The following DCC variants were observed in gnomAD, a reference collection of about 807,000 sequenced individuals.
DCC encodes the protein netrin receptor DCC.
A neutral mutation model predicts 172.5 loss-of-function variants in DCC; 58 were observed. The observed-to-expected ratio is 0.34, with a 90% CI of 0.27 to 0.42. The LOEUF (loss-of-function observed/expected upper bound fraction) is 0.42, where lower values mean the gene tolerates loss of function less well. Ranked by LOEUF, DCC falls within the 10% of genes least tolerant of loss-of-function variation. The pLI is 1.00. For synonymous variants in DCC, 709 were observed against 644.5 expected (o/e 1.10, Z -1.52); for missense variants, 1,740 against 1,791.0 (o/e 0.97, Z 0.51).
chr18:53,098,370 A>T (rs551161374), intron 7 of DCC, among the ~76,000 whole-genome samples: 3 of 152,116 alleles, frequency 2.0e-5, no homozygotes, highest in Non-Finnish European at 4.4e-5. Context: ...AAGATCCAGG[A>T]TCATTCATTG....
chr18:53,436,769 A>T (rs1428350082), intron 22 of DCC, among the ~76,000 whole-genome samples: 1 of 152,208 alleles, frequency 6.6e-6, no homozygotes, highest in Admixed American at 6.5e-5. Context: ...TGCTATTAAA[A>T]AATACCCCAG....
intron 2 of DCC, among the ~76,000 whole-genome samples, chr18:52,810,433 C>T (rs2038174118): frequency 6.6e-6 from 1 of 152,214 alleles, no homozygotes; most frequent in Non-Finnish European, 1.5e-5. Context: ...CTGGCAGTTC[C>T]TGAGCTATTG....
intron 1 of DCC, among the ~76,000 whole-genome samples, chr18:52,603,437 G>A (rs899478961): frequency 2.0e-5 from 3 of 152,002 alleles, no homozygotes; most frequent in African/African-American, 7.2e-5. Context: ...TAAAGAAAAG[G>A]AGAATAGGAA....
intron 1 of DCC, among the ~76,000 whole-genome samples, chr18:52,542,893 G>C (rs1366830575): frequency 6.6e-6 from 1 of 152,154 alleles, no homozygotes; most frequent in Non-Finnish European, 1.5e-5. Flanking sequence ...AGGATGAGTT[G>C]AAGATGTTGT....
At chr18:52,467,933 A>G (rs1330062345) in intron 1 of DCC, among the ~76,000 whole-genome samples, 3 of 152,160 alleles carry the variant, frequency 2.0e-5, no homozygotes, top group Non-Finnish European at 2.9e-5. Flanking sequence ...AGTTCCTTGT[A>G]GATTCTGGAT....
chr18:52,976,831 C>G (rs2041126574), intron 5 of DCC, among the ~76,000 whole-genome samples: 1 of 152,174 alleles, frequency 6.6e-6, no homozygotes, highest in Non-Finnish European at 1.5e-5. Context: ...TATGCAAACA[C>G]AGAGAGCTTA....
At chr18:53,209,385 A>G (rs1203081729) in intron 11 of DCC, among the ~76,000 whole-genome samples, 2 of 152,208 alleles carry the variant, frequency 1.3e-5, no homozygotes, top group African/African-American at 2.4e-5. Flanking sequence ...AAAGGCCACA[A>G]GCTAGCTCTT....
At chr18:52,594,978 T>A (rs1308255655) in intron 1 of DCC, among the ~76,000 whole-genome samples, 1 of 152,192 alleles carries the variant, frequency 6.6e-6, no homozygotes, top group African/African-American at 2.4e-5. Context: ...ATGGAGGTCT[T>A]CTATTTGTTT....
At position 53,025,177 on chromosome 18, in the gene DCC, C is replaced by T. The variant is rs187061524; in HGVS notation, c.986-38128C>T. Among the ~76,000 whole-genome samples, 295 of 152,058 alleles carry T rather than the reference C, an allele frequency of 1.9e-3. 1 individual carries two copies. Among genetic ancestry groups the T allele is most frequent in the Non-Finnish European group, 3.2e-3 (215 of 68,002 alleles). On this transcript the variant is annotated intron_variant, in intron 5 of 28. Coordinates refer to ENST00000442544, the MANE Select transcript of DCC (RefSeq NM_005215.4). ...CAAATGATGTATGAGGATTTACTGACGAGTCACTGGAAGTAGATGAGAATT... is the reference window on the plus strand; with the variant it reads ...CAAATGATGTATGAGGATTTACTGATGAGTCACTGGAAGTAGATGAGAATT...
intron 1 of DCC, among the ~76,000 whole-genome samples, chr18:52,615,579 C>A (rs962645625): frequency 6.6e-6 from 1 of 152,168 alleles, no homozygotes; most frequent in Non-Finnish European, 1.5e-5. Flanking sequence ...GGGTCACATT[C>A]CATTCCATTT....
intron 1 of DCC, among the ~76,000 whole-genome samples, chr18:52,523,131 G>T (rs1598885660): frequency 6.6e-6 from 1 of 152,152 alleles, no homozygotes; most frequent in Non-Finnish European, 1.5e-5. Context: ...ATCTGCCATT[G>T]TTTTTTAGGT....
At chr18:53,414,487 A>T (rs1910181922) in intron 20 of DCC, among the ~76,000 whole-genome samples, 1 of 152,180 alleles carries the variant, frequency 6.6e-6, no homozygotes, top group African/African-American at 2.4e-5. Context: ...TACATTAAAT[A>T]TGGGCAGCTT....
chr18:52,403,688 A>G (rs578104836), intron 1 of DCC, among the ~76,000 whole-genome samples: 5 of 152,146 alleles, frequency 3.3e-5, no homozygotes, highest in Non-Finnish European at 7.4e-5. Flanking sequence ...AGGAGGAGGC[A>G]ATGCCTTAGT....
intron 13 of DCC, among the ~76,000 whole-genome samples, chr18:53,307,004 A>T (rs1042885900): frequency 3.3e-5 from 5 of 152,210 alleles, no homozygotes; most frequent in African/African-American, 1.2e-4. Flanking sequence ...TACGCCAGAT[A>T]CTCAGCGAAT....
At chr18:52,667,899 A>G (rs147589228) in intron 1 of DCC, among the ~76,000 whole-genome samples, 247 of 152,356 alleles carry the variant, frequency 1.6e-3, no homozygotes, top group African/African-American at 5.8e-3. Context: ...AACCACTTCA[A>G]AGTGAACAAT....
intron 2 of DCC, among the ~76,000 whole-genome samples, chr18:52,887,374 T>A (rs1423251966): frequency 6.6e-6 from 1 of 152,128 alleles, no homozygotes; most frequent in Admixed American, 6.6e-5. Context: ...TTATTTTCTA[T>A]CCTTTGTGCT....
rs527873200 is a variant in DCC at position 53,321,125 on chromosome 18, C to T, written c.2054-922C>T. On this transcript the variant is annotated intron_variant, in intron 13 of 28. Coordinates refer to ENST00000442544, the MANE Select transcript of DCC (RefSeq NM_005215.4). ...AAATCTTCAAATATGTAATTTTGTA[C>T]ATGAGCGTAATTACTTTTATTATGC... Among the ~76,000 whole-genome samples the T allele has an allele frequency of 4.6e-5, 7 of 152,262 alleles. No individual in the cohort carries two copies. The South Asian group carries it at 1.4e-3, about 32-fold the overall frequency.
chr18:52,707,784 A>G (rs1450423405), intron 1 of DCC, among the ~76,000 whole-genome samples: 1 of 152,228 alleles, frequency 6.6e-6, no homozygotes, highest in Non-Finnish European at 1.5e-5. Flanking sequence ...TACATGATCT[A>G]TCTTTTATGT....
chr18:52,860,648 CTTA>C (rs1241239903), intron 2 of DCC, among the ~76,000 whole-genome samples: 1 of 152,190 alleles, frequency 6.6e-6, no homozygotes, highest in African/African-American at 2.4e-5. Context: ...AATACTCAGC[CTTA>C]TTATTTGCAT....
Sources: allele counts gnomAD v4.1 joint callset (sites outside exome capture counted in the v4.1 genomes callset), GRCh38; gene constraint gnomAD v4.1.1; transcripts MANE v1.5; gene names NCBI Gene and HGNC (gene_info 2026-07-23, HGNC 2026-07-21).